AKT1: variants seen among roughly 807,000 people sequenced by gnomAD.
AKT1 encodes the protein AKT serine/threonine kinase 1.
AKT1 carries 21 observed loss-of-function variants against 63.1 expected under a neutral mutation model. The ratio of observed to expected loss-of-function variants is 0.33; its 90% CI spans 0.24 to 0.48. The LOEUF (loss-of-function observed/expected upper bound fraction) is 0.48. Ranked by LOEUF, AKT1 falls within the 20% of genes least tolerant of loss-of-function variation. The pLI, the probability that AKT1 is intolerant of heterozygous loss-of-function variation, is 0.99. For missense variants in AKT1, 382 were observed against 666.0 expected (o/e 0.57, Z 4.69); for synonymous variants, 257 against 253.1 (o/e 1.02, Z -0.15).
chr14:104,780,701 C>A (rs950378369), intron 3 of AKT1, among the ~76,000 whole-genome samples: 3 of 149,826 alleles, frequency 2.0e-5, no homozygotes, highest in Non-Finnish European at 4.4e-5. Flanking sequence ...GTGTGGGCTG[C>A]CCAGCATGGC....
At chr14:104,777,388 G>A (rs1229257987) in intron 4 of AKT1, 3 of 209,050 alleles carry the variant, frequency 1.4e-5, no homozygotes, top group South Asian at 1.9e-4. Context: ...TGGGGCACAC[G>A]CACACCTGAG....
intron 3 of AKT1, chr14:104,786,453 T>G (rs1893339138): frequency 6.6e-6 from 1 of 151,952 alleles, no homozygotes; most frequent in Admixed American, 6.5e-5. Context: ...CACGCAGCCA[T>G]GCCCACAGCC....
intron 3 of AKT1, among the ~76,000 whole-genome samples, chr14:104,787,425 C>G (rs1394825137): frequency 1.3e-5 from 2 of 152,150 alleles, no homozygotes; most frequent in African/African-American, 4.8e-5. Flanking sequence ...GCTGCCCACC[C>G]AGGGTGGCCT....
intron 9 of AKT1, 96 bp from the exon 10 acceptor site, chr14:104,773,676 A>G: frequency 2.0e-6 from 3 of 1,505,866 alleles, no homozygotes; most frequent in Non-Finnish European, 2.7e-6. Flanking sequence ...TCGGCATTGC[A>G]CAGGGAAGGG....
At chr14:104,787,052 C>A (rs1020397316) in intron 3 of AKT1, among the ~76,000 whole-genome samples, 2 of 152,128 alleles carry the variant, frequency 1.3e-5, no homozygotes, top group African/African-American at 4.8e-5. Flanking sequence ...AGTCACCGGG[C>A]CCGCCTGGGG....
intron 9 of AKT1, 118 bp from the exon 10 acceptor site, chr14:104,773,698 G>A (rs561463952): frequency 2.1e-6 from 3 of 1,431,328 alleles, no homozygotes; most frequent in Non-Finnish European, 2.8e-6. Flanking sequence ...CCAGCCACCA[G>A]AGGGCACGGG....
chr14:104,783,074 T>C (rs972116491), intron 3 of AKT1, among the ~76,000 whole-genome samples: 1 of 152,132 alleles, frequency 6.6e-6, no homozygotes, highest in African/African-American at 2.4e-5. Flanking sequence ...CCAGCATCAC[T>C]GTCCTCATGG....
At chr14:104,770,722 G>A (rs760977150) in intron 14 of AKT1, 23 bp downstream of exon 14, 69 of 1,596,542 alleles carry the variant, frequency 4.3e-5, no homozygotes, top group Non-Finnish European at 5.1e-5. Flanking sequence ...GGGAGTGGGC[G>A]GGGGCAGGCA....
At chr14:104,774,659 G>A in intron 8 of AKT1, 1 of 482,268 alleles carries the variant, frequency 2.1e-6, no homozygotes, top group Non-Finnish European at 3.7e-6. Flanking sequence ...CAGGGCATGG[G>A]GAGCTGGGGC....
intron 13 of AKT1, 49 bp downstream of exon 13, chr14:104,772,316 G>GATATGTGGGGAGCATGCGTGCGCGTGA: frequency 1.3e-6 from 2 of 1,588,776 alleles, no homozygotes; most frequent in Non-Finnish European, 1.7e-6. Flanking sequence ...CGTGAGTGTG[G>GATATGTGGGGAGCATGCGTGCGCGTGA]ATATGTGGGG....
chr14:104,773,419 C>T (rs915517218), intron 10 of AKT1, 36 bp downstream of exon 10: 1 of 1,613,968 alleles, frequency 6.2e-7, no homozygotes, highest in Non-Finnish European at 8.5e-7. Context: ...CGCCAGGCCC[C>T]CAGGGCCCTG....
chr14:104,783,423 C>T (rs376017339), intron 3 of AKT1, among the ~76,000 whole-genome samples: 7 of 152,184 alleles, frequency 4.6e-5, no homozygotes, highest in African/African-American at 1.4e-4. Flanking sequence ...ACCTCGTCCT[C>T]CACACCGACC....
intron 1 of AKT1, chr14:104,793,814 G>A (rs559149413): frequency 6.6e-6 from 1 of 152,466 alleles, no homozygotes; most frequent in Admixed American, 6.5e-5. Flanking sequence ...CACTTCGCAT[G>A]CTCTTCCTGT....
intron 3 of AKT1, among the ~76,000 whole-genome samples, chr14:104,785,643 A>G (rs1893291460): frequency 6.6e-6 from 1 of 152,038 alleles, no homozygotes; most frequent in Non-Finnish European, 1.5e-5. Context: ...AGGGGAGGTG[A>G]CCCTCAGAGG....
At chr14:104,781,967 C>T (rs2140962732) in intron 3 of AKT1, among the ~76,000 whole-genome samples, 1 of 152,322 alleles carries the variant, frequency 6.6e-6, no homozygotes, top group African/African-American at 2.4e-5. Flanking sequence ...GCCGAGCAGG[C>T]GTGGTCCTGC....
chr14:104,788,869 G>A (rs1461198112), intron 3 of AKT1, among the ~76,000 whole-genome samples: 1 of 152,170 alleles, frequency 6.6e-6, no homozygotes, highest in Non-Finnish European at 1.5e-5. Context: ...CATGGGCCCG[G>A]GGTAGGGCAT....
chr14:104,794,734 G>C (rs2141015649), intron 1 of AKT1, among the ~76,000 whole-genome samples: 1 of 152,352 alleles, frequency 6.6e-6, no homozygotes, highest in East Asian at 1.9e-4. Flanking sequence ...AAGGCCGAGA[G>C]ACCCAGGAGT....
chr14:104,792,920 G>C lies in AKT1; in HGVS notation c.-79-198C>G, dbSNP rs1205554539. 167 of 585,248 alleles carry C rather than the reference G, an allele frequency of 2.9e-4. No homozygotes were observed. The East Asian group carries it at 4.7e-3, about 17-fold the overall frequency. The allele number at this position is 585,248 out of a possible 1,614,324, so 36.3% of individuals were successfully genotyped here. A position where few individuals can be genotyped will look rare whatever the true frequency, so the allele number is the denominator to read the frequency against. On this transcript the variant is annotated intron_variant, in intron 2 of 14. Transcript: ENST00000649815. ...CCCTCTCCCCAAAACACTCAGGGCT[G>C]CCAAGTGTCAAATCCATGTAATTGA...
In AKT1 at chr14:104,769,793, C is replaced by T. The variant is rs988973319; in HGVS notation, c.*548G>A. ...CATCCCTGGTCCCATCCCAGGGGCC[C>T]AGCCTCCGATGACGTCCTCAGAGAC... On this transcript the variant is annotated 3_prime_UTR_variant, in exon 15 of 15. Transcript: ENST00000649815. The T allele has an allele frequency of 2.6e-6, 1 of 388,930 alleles. No individual in the cohort carries two copies. The highest frequency in any genetic ancestry group is 4.4e-5 in the Admixed American group (1 of 22,696). The allele number at this position is 388,930 out of a possible 1,614,324, so 24.1% of individuals were successfully genotyped here. A position where few individuals can be genotyped will look rare whatever the true frequency, so the allele number is the denominator to read the frequency against.
Sources: allele counts gnomAD v4.1 joint callset (sites outside exome capture counted in the v4.1 genomes callset), GRCh38; gene constraint gnomAD v4.1.1; transcripts MANE v1.5; gene names NCBI Gene and HGNC (gene_info 2026-07-23, HGNC 2026-07-21).